LINGO2: variants seen among roughly 807,000 people sequenced by gnomAD.
LINGO2 encodes leucine-rich repeat and immunoglobulin-like domain-containing nogo receptor-interacting protein 2.
A neutral mutation model predicts 30.6 loss-of-function variants in LINGO2; 14 were observed. That is an observed-to-expected ratio of 0.46 (90% CI 0.30 to 0.72). The LOEUF is 0.72. LINGO2 is among the 30% of genes least tolerant of loss of function. The pLI, the probability that LINGO2 is intolerant of heterozygous loss-of-function variation, is 0.07. For synonymous variants in LINGO2, 317 were observed against 288.5 expected (o/e 1.10, Z -1.00); for missense variants, 729 against 751.7 (o/e 0.97, Z 0.35).
chr9:29,068,483 T>C, the LINGO2 span, among the ~76,000 whole-genome samples: 1 of 151,850 alleles, frequency 6.6e-6, no homozygotes, highest in African/African-American at 2.4e-5. Flanking sequence ...GCTTTCAATG[T>C]CAATATAAGT....
the LINGO2 span, among the ~76,000 whole-genome samples, chr9:28,803,042 A>G: frequency 6.6e-6 from 1 of 152,070 alleles, no homozygotes; most frequent in African/African-American, 2.4e-5. Context: ...AGAAACCAGT[A>G]ATAAGTATCA....
chr9:28,487,855 A>G (rs1202009650), intron 1 of LINGO2, among the ~76,000 whole-genome samples: 1 of 152,178 alleles, frequency 6.6e-6, no homozygotes, highest in Admixed American at 6.6e-5. Context: ...TAATTTGCCA[A>G]GATGCTCTCA....
intron 4 of LINGO2, among the ~76,000 whole-genome samples, chr9:28,190,681 TG>T (rs1333680616): frequency 1.3e-5 from 2 of 152,124 alleles, no homozygotes; most frequent in African/African-American, 4.8e-5. Flanking sequence ...AAATTTCTAT[TG>T]TTTATAAGCC....
the LINGO2 span, among the ~76,000 whole-genome samples, chr9:29,060,224 G>A: frequency 2.1e-3 from 325 of 152,016 alleles, 1 homozygote; most frequent in African/African-American, 7.1e-3. Flanking sequence ...TTCTGGCAAA[G>A]GATTCAGGAA....
chr9:28,968,862 C>T, the LINGO2 span, among the ~76,000 whole-genome samples: 2 of 152,116 alleles, frequency 1.3e-5, no homozygotes, highest in Admixed American at 6.6e-5. Context: ...TTATTGTTAT[C>T]AAACCACGAC....
intron 1 of LINGO2, among the ~76,000 whole-genome samples, chr9:28,628,073 GA>G (rs1016753970): frequency 4.0e-5 from 6 of 151,818 alleles, no homozygotes; most frequent in African/African-American, 1.5e-4. Context: ...GTGGAGTTAT[GA>G]AAAATGCAGG....
At chr9:29,068,973 T>C in the LINGO2 span, among the ~76,000 whole-genome samples, 3 of 151,784 alleles carry the variant, frequency 2.0e-5, no homozygotes, top group Admixed American at 6.6e-5. Context: ...CCAAAAAAGG[T>C]TCATTGTGGA....
chr9:28,381,656 T>C (rs1328705595), intron 2 of LINGO2, among the ~76,000 whole-genome samples: 2 of 152,134 alleles, frequency 1.3e-5, no homozygotes, highest in African/African-American at 2.4e-5. Context: ...TCTTTGACTA[T>C]AATCTTGGAT....
chr9:28,832,434 A>G, the LINGO2 span, among the ~76,000 whole-genome samples: 2 of 152,162 alleles, frequency 1.3e-5, no homozygotes, highest in African/African-American at 2.4e-5. Context: ...CAGTGATTCA[A>G]CTCAGTTCCG....
the LINGO2 span, among the ~76,000 whole-genome samples, chr9:28,710,945 G>A: frequency 1.5e-4 from 22 of 150,190 alleles, no homozygotes; most frequent in Non-Finnish European, 2.5e-4. Flanking sequence ...GGTGATTCTG[G>A]GTAGAGGGCC....
chr9:28,834,058 T>C, the LINGO2 span, among the ~76,000 whole-genome samples: 1 of 151,986 alleles, frequency 6.6e-6, no homozygotes. Context: ...GATCTCCTAA[T>C]GTGCCTACTC....
At chr9:28,025,694 G>A (rs1397572913) in intron 4 of LINGO2, among the ~76,000 whole-genome samples, 1 of 152,190 alleles carries the variant, frequency 6.6e-6, no homozygotes, top group Non-Finnish European at 1.5e-5. Flanking sequence ...AACTGCTTTT[G>A]AACTAGCTAG....
At chr9:28,952,167 TG>T in the LINGO2 span, among the ~76,000 whole-genome samples, 1 of 151,990 alleles carries the variant, frequency 6.6e-6, no homozygotes, top group Non-Finnish European at 1.5e-5. Context: ...AGTGGTCACT[TG>T]GTACAGGAAA....
At chr9:28,593,768 G>T (rs1174137560) in intron 1 of LINGO2, among the ~76,000 whole-genome samples, 1 of 152,034 alleles carries the variant, frequency 6.6e-6, no homozygotes, top group Non-Finnish European at 1.5e-5. Flanking sequence ...CCACTGCAAT[G>T]TGCTTTCACT....
the LINGO2 span, among the ~76,000 whole-genome samples, chr9:29,166,647 T>C: frequency 6.6e-6 from 1 of 152,172 alleles, no homozygotes; most frequent in Non-Finnish European, 1.5e-5. Context: ...TCACTAGTTC[T>C]AATTTATACT....
chr9:28,805,523 T>C, the LINGO2 span, among the ~76,000 whole-genome samples: 1 of 152,216 alleles, frequency 6.6e-6, no homozygotes. Context: ...GATTGTTTTG[T>C]ATACATATTG....
chr9:28,885,774 G>A, the LINGO2 span, among the ~76,000 whole-genome samples: 1 of 152,052 alleles, frequency 6.6e-6, no homozygotes, highest in Non-Finnish European at 1.5e-5. Context: ...CCCAGGTGGT[G>A]GAACATTTGA....
intron 4 of LINGO2, among the ~76,000 whole-genome samples, chr9:28,072,176 G>A (rs187013190): frequency 7.6e-4 from 115 of 152,230 alleles, no homozygotes; most frequent in Middle Eastern, 3.4e-3. Context: ...AAAGGGACTC[G>A]CACAACATGT....
chr9:28,135,565 T>C (rs1222569338), intron 4 of LINGO2, among the ~76,000 whole-genome samples: 1 of 152,008 alleles, frequency 6.6e-6, no homozygotes, highest in East Asian at 1.9e-4. Flanking sequence ...TTCATTCTTT[T>C]AAACCTTTCA....
Sources: allele counts gnomAD v4.1 joint callset (sites outside exome capture counted in the v4.1 genomes callset), GRCh38; gene constraint gnomAD v4.1.1; transcripts MANE v1.5; gene names NCBI Gene and HGNC (gene_info 2026-07-23, HGNC 2026-07-21).